Variants in HEPHL1 observed in about 807,000 individuals in gnomAD.
HEPHL1 encodes ferroxidase HEPHL1.
A neutral mutation model predicts 122.0 loss-of-function variants in HEPHL1; 123 were observed. The observed-to-expected ratio is 1.01, with a 90% CI of 0.87 to 1.17. The LOEUF is 1.17. Ranked by LOEUF, HEPHL1 falls within the 50% of genes most tolerant of loss-of-function variation. The pLI is 0.00. For synonymous variants in HEPHL1, 527 were observed against 508.9 expected (o/e 1.04, Z -0.48); for missense variants, 1,452 against 1,430.5 (o/e 1.01, Z -0.24).
chr11:94,080,119 T>C (rs1946158525), intron 9 of HEPHL1, among the ~76,000 whole-genome samples: 1 of 151,986 alleles, frequency 6.6e-6, no homozygotes, highest in African/African-American at 2.4e-5. Flanking sequence ...TTGAGCAAAA[T>C]AGAGAACTCA....
At chr11:94,061,112 G>T (rs1945982754) in intron 2 of HEPHL1, among the ~76,000 whole-genome samples, 2 of 152,184 alleles carry the variant, frequency 1.3e-5, no homozygotes, top group African/African-American at 4.8e-5. Flanking sequence ...CTGAATATTG[G>T]TAGTGCCTTT....
At chr11:94,030,169 A>G (rs929936796) in intron 1 of HEPHL1, among the ~76,000 whole-genome samples, 1 of 152,184 alleles carries the variant, frequency 6.6e-6, no homozygotes, top group South Asian at 2.1e-4. Flanking sequence ...CTGAACCCAG[A>G]GAGCATACCA....
chr11:94,032,264 C>T (rs1518565), intron 1 of HEPHL1, among the ~76,000 whole-genome samples: 30,779 of 151,978 alleles, frequency 0.2, 3,788 homozygotes, highest in African/African-American at 0.35. Flanking sequence ...TCTGGCTCAG[C>T]TGAAAACCGT....
chr11:94,094,011 TATAA>T (rs1476352703), intron 13 of HEPHL1, among the ~76,000 whole-genome samples: 10 of 114,674 alleles, frequency 8.7e-5, no homozygotes, highest in African/African-American at 3.8e-4. Flanking sequence ...TATATATATA[TATAA>T]AACTTTAAGT....
chr11:94,062,257 A>G (rs1945989942), intron 2 of HEPHL1, among the ~76,000 whole-genome samples: 1 of 152,198 alleles, frequency 6.6e-6, no homozygotes, highest in Non-Finnish European at 1.5e-5. Context: ...TTAATAAAAA[A>G]TGAATATTAA....
chr11:94,081,081 T>C (rs1221132539), intron 9 of HEPHL1, among the ~76,000 whole-genome samples: 1 of 152,194 alleles, frequency 6.6e-6, no homozygotes, highest in Non-Finnish European at 1.5e-5. Context: ...AAACAAATTG[T>C]GGTACACGTA....
intron 15 of HEPHL1, 66 bp downstream of exon 15, chr11:94,103,086 C>A (rs1946381339): frequency 2.2e-6 from 2 of 915,234 alleles, no homozygotes; most frequent in African/African-American, 1.6e-5. Flanking sequence ...CTTGGGTCAT[C>A]ACAATTTGGG....
intron 1 of HEPHL1, among the ~76,000 whole-genome samples, chr11:94,022,938 G>A (rs979793070): frequency 1.3e-5 from 2 of 152,210 alleles, no homozygotes; most frequent in South Asian, 4.1e-4. Context: ...TAAGCTAAAT[G>A]TGATACTGGA....
At chr11:94,050,586 C>A (rs183898900) in intron 2 of HEPHL1, among the ~76,000 whole-genome samples, 1 of 152,000 alleles carries the variant, frequency 6.6e-6, no homozygotes, top group African/African-American at 2.4e-5. Context: ...TATTTTGATA[C>A]AAGCATGCAA....
intron 5 of HEPHL1, 125 bp downstream of exon 5, chr11:94,067,875 T>TA (rs1468576082): frequency 2.3e-5 from 17 of 749,856 alleles, no homozygotes; most frequent in Admixed American, 5.6e-5. Flanking sequence ...AATTAGGTAA[T>TA]AAATATACAG....
chr11:94,079,135 C>T (rs1946149113), intron 9 of HEPHL1, among the ~76,000 whole-genome samples: 1 of 152,166 alleles, frequency 6.6e-6, no homozygotes, highest in Non-Finnish European at 1.5e-5. Context: ...TAATATTTGT[C>T]AGTTGTTGCG....
chr11:94,051,623 T>C (rs1945891083), intron 2 of HEPHL1, among the ~76,000 whole-genome samples: 2 of 152,180 alleles, frequency 1.3e-5, no homozygotes, highest in African/African-American at 2.4e-5. Context: ...TCCTTTGCTG[T>C]GTAGAAGTGT....
intron 12 of HEPHL1, among the ~76,000 whole-genome samples, chr11:94,093,100 A>ATGTGTG (rs58076312): frequency 4.7e-5 from 7 of 148,912 alleles, no homozygotes; most frequent in African/African-American, 1.7e-4. Flanking sequence ...GTGGACGTGT[A>ATGTGTG]TGTGTGTGTG....
rs1251166976 is a variant in HEPHL1, at chr11:94,104,642, A to G, written c.2797A>G (p.Asn933Asp). The G allele has an allele frequency of 6.2e-7, 1 of 1,613,630 alleles. No individual in the cohort carries two copies. Among genetic ancestry groups the G allele is most frequent in the Admixed American group, 1.7e-5 (1 of 60,006 alleles). ...ATTTGCTCTCTTGTTTTTGGTATTT[A>G]ATGAGAATGAATCCTGGTATCTGGA... ...YEFALLFLVF[N>D]ENESWYLDDN... Residue 933 changes from asparagine to aspartate, a missense_variant, in exon 16 of 20, where the codon AAT becomes GAT. Transcript: ENST00000315765.
At chr11:94,076,405 A>G (rs571894614) in intron 9 of HEPHL1, among the ~76,000 whole-genome samples, 2 of 152,298 alleles carry the variant, frequency 1.3e-5, no homozygotes, top group Non-Finnish European at 2.9e-5. Flanking sequence ...TCCTTTTCCA[A>G]TGCATCCTCT....
chr11:94,076,494 C>T (rs953238231), intron 9 of HEPHL1, among the ~76,000 whole-genome samples: 1 of 152,048 alleles, frequency 6.6e-6, no homozygotes, highest in African/African-American at 2.4e-5. Context: ...AATTTTGCCC[C>T]CGCTGTGTCC....
intron 2 of HEPHL1, 139 bp downstream of exon 2, chr11:94,046,056 CATCT>C (rs1170357142): frequency 4.4e-6 from 2 of 455,802 alleles, no homozygotes; most frequent in South Asian, 5.3e-5. Context: ...CATCCATCTC[CATCT>C]ATCTATTCTG....
chr11:94,098,844 G>A (rs373299838), intron 13 of HEPHL1, among the ~76,000 whole-genome samples: 1 of 152,156 alleles, frequency 6.6e-6, no homozygotes, highest in Non-Finnish European at 1.5e-5. Flanking sequence ...TAGTTCTCGT[G>A]CCATGGTTTT....
chr11:94,042,949 AT>A (rs1945799985), intron 1 of HEPHL1, among the ~76,000 whole-genome samples: 1 of 151,196 alleles, frequency 6.6e-6, no homozygotes, highest in African/African-American at 2.4e-5. Context: ...TCTGTTAGAC[AT>A]TAATTCCTTT....
Sources: allele counts gnomAD v4.1 joint callset (sites outside exome capture counted in the v4.1 genomes callset), GRCh38; gene constraint gnomAD v4.1.1; transcripts MANE v1.5; gene names NCBI Gene and HGNC (gene_info 2026-07-23, HGNC 2026-07-21).